Variants in SH3D19 observed in about 807,000 individuals in gnomAD.
SH3D19 encodes the protein SH3 domain containing 19.
In SH3D19, 58 loss-of-function variants were observed where a neutral mutation model predicts 112.1. The ratio of observed to expected loss-of-function variants is 0.52; its 90% CI spans 0.42 to 0.64. SH3D19 has a LOEUF of 0.64. Ranked by LOEUF, SH3D19 falls within the 30% of genes least tolerant of loss-of-function variation. The pLI, the probability that SH3D19 is intolerant of heterozygous loss-of-function variation, is 0.00. For synonymous variants in SH3D19, 391 were observed against 448.5 expected, an observed-to-expected ratio of 0.87 and a Z score of 1.62; for missense variants, 1,090 against 1,263.4, an observed-to-expected ratio of 0.86 and a Z score of 2.08.
chr4:151,285,792 A>C (rs1774693488), intron 1 of SH3D19, among the ~76,000 whole-genome samples: 1 of 152,060 alleles, frequency 6.6e-6, no homozygotes, highest in South Asian at 2.1e-4. Flanking sequence ...CCTTGAGCCC[A>C]GAAGTTCACA....
rs758645164 is a variant in SH3D19, at chr4:151,268,765, T to G, written c.113-42679A>C. ...TTCATCCATGTCCCTACAAAGGACA[T>G]GAACTCATCATTTTTTATGGCTGCA... On this transcript the variant is annotated intron_variant, in intron 1 of 19. Coordinates refer to ENST00000604030, the MANE Select transcript of SH3D19 (RefSeq NM_001378122.1). 2.1e-5 allele frequency among the ~76,000 whole-genome samples: 3 copies of G among 144,532 alleles called. No homozygotes were observed. The East Asian group carries it at 6.1e-4, about 29-fold the overall frequency. The allele number at this position is 144,532 out of a possible 152,430, so 94.8% of individuals were successfully genotyped here. A position where few individuals can be genotyped will look rare whatever the true frequency, so the allele number is the denominator to read the frequency against.
intron 2 of SH3D19, among the ~76,000 whole-genome samples, chr4:151,214,678 CAGA>C (rs1766694435): frequency 9.8e-6 from 1 of 102,458 alleles, no homozygotes; most frequent in Non-Finnish European, 2.4e-5. Context: ...GCTGGCCGGG[CAGA>C]GGGGCTCCTC....
chr4:151,185,701 T>C (rs1409590941), intron 3 of SH3D19, among the ~76,000 whole-genome samples: 1 of 152,232 alleles, frequency 6.6e-6, no homozygotes, highest in Non-Finnish European at 1.5e-5. Context: ...TGTCAGCTTG[T>C]AAAATTTTCA....
chr4:151,201,654 A>G (rs2149886891), intron 2 of SH3D19, among the ~76,000 whole-genome samples: 1 of 152,348 alleles, frequency 6.6e-6, no homozygotes, highest in African/African-American at 2.4e-5. Flanking sequence ...AGAACTAATC[A>G]TGAATGCCAA....
Position 151,127,538 on chromosome 4 carries a change from C to T in SH3D19, c.3027+80G>A, listed in dbSNP as rs550876848. On this transcript the variant is annotated intron_variant, in intron 19 of 19. Coordinates refer to ENST00000604030, the MANE Select transcript of SH3D19 (RefSeq NM_001378122.1). ...TCTTGAGTAATGATTAATATTCCAC[C>T]CAAATGTTCCATCCTTCAATGGAAA... The T allele has an allele frequency of 5.2e-4, 409 of 783,318 alleles. 1 individual carries two copies. The highest frequency in any genetic ancestry group is 6.8e-4 in the Non-Finnish European group (343 of 504,682). 48.5% of individuals were successfully genotyped at this position (783,318 alleles called of 1,614,324 possible).
intron 7 of SH3D19, among the ~76,000 whole-genome samples, chr4:151,173,887 CT>C (rs1759482470): frequency 6.6e-6 from 1 of 152,170 alleles, no homozygotes; most frequent in Non-Finnish European, 1.5e-5. Context: ...TAAAAGAAAT[CT>C]TATCAATGAC....
At chr4:151,316,155 C>G (rs910230118) in intron 1 of SH3D19, among the ~76,000 whole-genome samples, 2 of 152,088 alleles carry the variant, frequency 1.3e-5, no homozygotes, top group Non-Finnish European at 2.9e-5. Context: ...GGCACTTTAC[C>G]TCTGTGATCT....
At chr4:151,128,916 G>A (rs1411034296) in intron 17 of SH3D19, among the ~76,000 whole-genome samples, 1 of 152,032 alleles carries the variant, frequency 6.6e-6, no homozygotes, top group East Asian at 1.9e-4. Context: ...TGGGATTACA[G>A]GCATGATCCA....
intron 1 of SH3D19, among the ~76,000 whole-genome samples, chr4:151,307,041 C>T (rs988035316): frequency 2.3e-5 from 3 of 128,484 alleles, no homozygotes; most frequent in Non-Finnish European, 3.2e-5. Context: ...TTTTTTGAGA[C>T]GGAGTCTCGC....
chr4:151,260,953 T>G (rs1055349545), intron 1 of SH3D19, among the ~76,000 whole-genome samples: 1 of 152,324 alleles, frequency 6.6e-6, no homozygotes, highest in South Asian at 2.1e-4. Flanking sequence ...TACTCTCTAC[T>G]TTAAAATTGT....
At chr4:151,297,848 C>G (rs888396243) in intron 1 of SH3D19, among the ~76,000 whole-genome samples, 3 of 152,206 alleles carry the variant, frequency 2.0e-5, no homozygotes, top group Non-Finnish European at 4.4e-5. Context: ...GGGACATCAT[C>G]TGTATTATCT....
At chr4:151,256,694 G>GTTT (rs70941490) in intron 1 of SH3D19, among the ~76,000 whole-genome samples, 13 of 134,290 alleles carry the variant, frequency 9.7e-5, no homozygotes, top group Non-Finnish European at 1.9e-4. Context: ...TTGTTTTGTT[G>GTTT]TTTTTTTTTT....
At chr4:151,185,465 A>C (rs1163244367) in intron 3 of SH3D19, among the ~76,000 whole-genome samples, 1 of 152,136 alleles carries the variant, frequency 6.6e-6, no homozygotes, top group Non-Finnish European at 1.5e-5. Flanking sequence ...CCAGCCAATA[A>C]ATTCTTGCCT....
intron 19 of SH3D19, 101 bp downstream of exon 19, chr4:151,127,517 G>T: frequency 1.5e-6 from 1 of 660,416 alleles, no homozygotes; most frequent in Non-Finnish European, 2.4e-6. Context: ...CTTCATTCTT[G>T]AGTAATGATT....
intron 4 of SH3D19, among the ~76,000 whole-genome samples, chr4:151,177,449 A>G (rs1760122852): frequency 1.3e-5 from 2 of 152,126 alleles, no homozygotes; most frequent in South Asian, 4.1e-4. Context: ...CTCAGGTTCA[A>G]GCAATTCTGA....
intron 17 of SH3D19, among the ~76,000 whole-genome samples, chr4:151,131,241 C>T (rs1750615149): frequency 6.6e-6 from 1 of 151,848 alleles, no homozygotes; most frequent in African/African-American, 2.4e-5. Flanking sequence ...TGACTAAAAC[C>T]CTATCTCATT....
intron 1 of SH3D19, among the ~76,000 whole-genome samples, chr4:151,297,743 C>T (rs1775801880): frequency 6.6e-6 from 1 of 152,214 alleles, no homozygotes; most frequent in African/African-American, 2.4e-5. Flanking sequence ...AATAGCCCCT[C>T]TAAGGACGTC....
intron 1 of SH3D19, among the ~76,000 whole-genome samples, chr4:151,244,338 A>T (rs1361234976): frequency 1.3e-5 from 2 of 152,238 alleles, no homozygotes; most frequent in African/African-American, 4.8e-5. Flanking sequence ...TAGATTTTAG[A>T]GAAATTGTTC....
In SH3D19 at chr4:151,190,628, A is replaced by G. The variant is rs544501542; in HGVS notation, c.153-3165T>C. Among the ~76,000 whole-genome samples, 41 of 152,308 alleles carry G rather than the reference A, an allele frequency of 2.7e-4. 1 individual carries two copies. The highest frequency in any genetic ancestry group is 9.4e-4 in the African/African-American group (39 of 41,558). On this transcript the variant is annotated intron_variant, in intron 2 of 19. Transcript: ENST00000604030. Reference sequence around the variant, plus strand: ...ACTTGGCAGCTTCCATGTGGTGTTGAGCGTGCAAGTGCACAGAAGTCAAGA... The same window carrying G: ...ACTTGGCAGCTTCCATGTGGTGTTGGGCGTGCAAGTGCACAGAAGTCAAGA...
Sources: allele counts gnomAD v4.1 joint callset (sites outside exome capture counted in the v4.1 genomes callset), GRCh38; gene constraint gnomAD v4.1.1; transcripts MANE v1.5; gene names NCBI Gene and HGNC (gene_info 2026-07-23, HGNC 2026-07-21).